Variants in CHL1 observed in about 807,000 individuals in gnomAD.
CHL1 encodes the protein cell adhesion molecule L1 like.
CHL1 carries 96 observed loss-of-function variants against 141.9 expected under a neutral mutation model. The ratio of observed to expected loss-of-function variants is 0.68; its 90% CI spans 0.57 to 0.80. CHL1 has a LOEUF of 0.80. Ranked by LOEUF, CHL1 falls within the 30% of genes least tolerant of loss-of-function variation. The pLI is 0.00. For missense variants in CHL1, 1,820 were observed against 1,457.2 expected, an observed-to-expected ratio of 1.25 and a Z score of -4.05; for synonymous variants, 613 against 502.2, an observed-to-expected ratio of 1.22 and a Z score of -2.95.
At chr3:307,600 C>T (rs546319855) in intron 2 of CHL1, among the ~76,000 whole-genome samples, 2 of 152,072 alleles carry the variant, frequency 1.3e-5, no homozygotes, top group African/African-American at 4.8e-5. Context: ...ATCCTATTCA[C>T]TCAAGGATGC....
chr3:276,715 C>A (rs573026385), intron 2 of CHL1, among the ~76,000 whole-genome samples: 3 of 151,680 alleles, frequency 2.0e-5, no homozygotes, highest in African/African-American at 4.8e-5. Context: ...GGGTGAAATC[C>A]CTTCTCTACT....
intron 8 of CHL1, among the ~76,000 whole-genome samples, chr3:343,769 G>C (rs563972811): frequency 3.2e-4 from 49 of 152,260 alleles, no homozygotes; most frequent in Non-Finnish European, 6.2e-4. Context: ...TTTTAAGGTG[G>C]ACTGATTCAT....
intron 2 of CHL1, among the ~76,000 whole-genome samples, chr3:264,796 C>T (rs538210926): frequency 1.3e-5 from 2 of 152,300 alleles, no homozygotes; most frequent in South Asian, 4.1e-4. Flanking sequence ...TCGCAATGGA[C>T]TGTTTGCGTA....
intron 1 of CHL1, among the ~76,000 whole-genome samples, chr3:203,099 C>T (rs1434384526): frequency 1.3e-5 from 2 of 152,156 alleles, no homozygotes; most frequent in Non-Finnish European, 2.9e-5. Flanking sequence ...AAAAATGAGA[C>T]TTTCATCCTT....
intron 5 of CHL1, among the ~76,000 whole-genome samples, chr3:333,313 C>T (rs1701611604): frequency 6.6e-6 from 1 of 151,760 alleles, no homozygotes; most frequent in Admixed American, 6.6e-5. Flanking sequence ...TTAAAGCTTC[C>T]TACAATCTTT....
At position 360,160 on chromosome 3, in the gene CHL1, A is replaced by G. The variant is rs149805012; in HGVS notation, c.1166-124A>G. The G allele has an allele frequency of 3.7e-5, 38 of 1,016,204 alleles. No individual in the cohort carries two copies. The East Asian group carries it at 9.6e-4, about 26-fold the overall frequency. The allele number at this position is 1,016,204 out of a possible 1,614,324, so 62.9% of individuals were successfully genotyped here. ...CAGAAAACCTAAAGAATTGGCTTCA[A>G]TGAACTATTAGTCACCCTAAACTGG... is the stretch of plus-strand genomic sequence containing the variant. On this transcript the variant is annotated intron_variant, in intron 11 of 27. Transcript: ENST00000256509.
intron 2 of CHL1, among the ~76,000 whole-genome samples, chr3:245,680 A>G (rs1693096460): frequency 6.6e-6 from 1 of 152,110 alleles, no homozygotes; most frequent in Non-Finnish European, 1.5e-5. Flanking sequence ...TGCAAATGGG[A>G]CCTTAATACA....
chr3:238,770 C>CAAAAA (rs145162673), intron 1 of CHL1, among the ~76,000 whole-genome samples: 5 of 145,462 alleles, frequency 3.4e-5, no homozygotes, highest in African/African-American at 1.3e-4. Context: ...ACTAAAAATA[C>CAAAAA]AAAAAAAAAA....
At chr3:296,173 G>A (rs1473877248) in intron 2 of CHL1, among the ~76,000 whole-genome samples, 1 of 152,038 alleles carries the variant, frequency 6.6e-6, no homozygotes, top group Non-Finnish European at 1.5e-5. Context: ...TATCCCGTAC[G>A]CACTTAGTAG....
intron 5 of CHL1, among the ~76,000 whole-genome samples, chr3:333,147 C>CTTTTTTTTTTTTTT (rs1559268147): frequency 1.0e-4 from 1 of 9,826 alleles, no homozygotes; most frequent in East Asian, 1.6e-3. Context: ...TTTTTTTTTG[C>CTTTTTTTTTTTTTT]TGCTGCTGCA....
chr3:342,489 A>G (rs1272857954), intron 7 of CHL1, among the ~76,000 whole-genome samples: 1 of 152,158 alleles, frequency 6.6e-6, no homozygotes, highest in Non-Finnish European at 1.5e-5. Context: ...CAAACTGGCA[A>G]ACTTACTTGA....
At chr3:369,885 T>C (rs148628404) in intron 15 of CHL1, among the ~76,000 whole-genome samples, 2 of 152,386 alleles carry the variant, frequency 1.3e-5, no homozygotes, top group African/African-American at 4.8e-5. Context: ...GTTCTGTTTA[T>C]GTGATGAATT....
chr3:239,606 A>ATT (rs1692358033), intron 1 of CHL1, among the ~76,000 whole-genome samples: 1 of 139,450 alleles, frequency 7.2e-6, no homozygotes, highest in East Asian at 1.9e-4. Context: ...AAATATATAT[A>ATT]TTTTAAAATT....
chr3:255,781 C>A (rs1037275304), intron 2 of CHL1, among the ~76,000 whole-genome samples: 1 of 152,182 alleles, frequency 6.6e-6, no homozygotes, highest in African/African-American at 2.4e-5. Flanking sequence ...TATTTTAGAT[C>A]TAAGGATCCC....
intron 2 of CHL1, among the ~76,000 whole-genome samples, chr3:287,281 C>A (rs951090223): frequency 6.6e-6 from 1 of 152,044 alleles, no homozygotes; most frequent in Non-Finnish European, 1.5e-5. Context: ...GTGAAGAAAT[C>A]TGTCTTGTTC....
chr3:330,762 T>C (rs1701374315), intron 5 of CHL1, among the ~76,000 whole-genome samples: 1 of 152,208 alleles, frequency 6.6e-6, no homozygotes, highest in Middle Eastern at 3.4e-3. Flanking sequence ...AAGGGCAAAC[T>C]TCAGTAGAAA....
intron 12 of CHL1, among the ~76,000 whole-genome samples, chr3:360,762 C>T (rs1416399961): frequency 8.0e-6 from 1 of 125,116 alleles, no homozygotes; most frequent in African/African-American, 3.2e-5. Flanking sequence ...CCACAACAGT[C>T]CCCAGAGTGT....
In CHL1 at chr3:212,349, C is replaced by G. The variant is rs550223635; in HGVS notation, c.-175+15286C>G. 5.9e-5 allele frequency among the ~76,000 whole-genome samples: 9 copies of G among 152,222 alleles called. No homozygotes were observed. In the South Asian group the frequency reaches 1.5e-3, roughly 25 times the overall value. On this transcript the variant is annotated intron_variant, in intron 1 of 27. Coordinates refer to ENST00000256509, the MANE Select transcript of CHL1 (RefSeq NM_006614.4). ...GTCTTGCTTTAGCCATTTACCATTT[C>G]CTATACTCTATGTATGTCCTTTGTC...
At chr3:278,307 C>A (rs576196666) in intron 2 of CHL1, among the ~76,000 whole-genome samples, 1 of 152,312 alleles carries the variant, frequency 6.6e-6, no homozygotes, top group South Asian at 2.1e-4. Context: ...CATAGGAGAT[C>A]CCACTGAAAT....
Sources: gnomAD v4.1 joint callset for allele counts (sites outside exome capture counted in the v4.1 genomes callset) on GRCh38, gnomAD v4.1.1 for gene constraint, MANE v1.5 for transcripts, NCBI Gene and HGNC (gene_info 2026-07-23, HGNC 2026-07-21) for gene names.